The following SRGAP1 variants were observed in gnomAD, a reference collection of about 807,000 sequenced individuals.
The protein encoded by SRGAP1 is SLIT-ROBO Rho GTPase-activating protein 1.
A neutral mutation model predicts 121.9 loss-of-function variants in SRGAP1; 43 were observed. The ratio of observed to expected loss-of-function variants is 0.35; its 90% CI spans 0.28 to 0.46. The LOEUF (loss-of-function observed/expected upper bound fraction) is 0.46. SRGAP1 is among the 20% of genes least tolerant of loss of function. SRGAP1 has a pLI of 1.00. For missense variants in SRGAP1, 1,102 were observed against 1,350.9 expected, an observed-to-expected ratio of 0.82 and a Z score of 2.89; for synonymous variants, 447 against 485.4, an observed-to-expected ratio of 0.92 and a Z score of 1.04.
rs2037089223 is a variant in SRGAP1 at position 64,148,826 on chromosome 12, T to C, written c.*6154T>C. On this transcript the variant is annotated 3_prime_UTR_variant, in exon 22 of 22. Transcript: ENST00000355086. ...CACACTGATGTATCCACCACCCAGT[T>C]TAAGCAATAGCACATTATCAGCATC... The C allele has an allele frequency of 6.6e-6, 1 of 152,218 alleles. No homozygotes were observed. Among genetic ancestry groups the C allele is most frequent in the African/African-American group, 2.4e-5 (1 of 41,456 alleles). The allele number at this position is 152,218 out of a possible 1,614,324, so 9.4% of individuals were successfully genotyped here. A position where few individuals can be genotyped will look rare whatever the true frequency, so the allele number is the denominator to read the frequency against.
intron 1 of SRGAP1, among the ~76,000 whole-genome samples, chr12:63,901,094 A>G (rs992670536): frequency 1.3e-5 from 2 of 151,656 alleles, no homozygotes; most frequent in African/African-American, 4.8e-5. Context: ...GGAAACACTT[A>G]TTTACTATGT....
At chr12:63,927,659 G>C (rs2031309227) in intron 1 of SRGAP1, among the ~76,000 whole-genome samples, 1 of 152,010 alleles carries the variant, frequency 6.6e-6, no homozygotes, top group Non-Finnish European at 1.5e-5. Context: ...AAACCTTACT[G>C]TCTGGCAAGA....
intron 3 of SRGAP1, among the ~76,000 whole-genome samples, chr12:63,996,771 G>A (rs2033722877): frequency 6.6e-6 from 1 of 152,042 alleles, no homozygotes. Context: ...GATAGGGCCT[G>A]GATAAATAAG....
At chr12:64,025,772 A>G (rs1425428697) in intron 4 of SRGAP1, among the ~76,000 whole-genome samples, 1 of 152,202 alleles carries the variant, frequency 6.6e-6, no homozygotes, top group Non-Finnish European at 1.5e-5. Context: ...GACTGGGGTC[A>G]TGTGACTCTC....
intron 6 of SRGAP1, among the ~76,000 whole-genome samples, chr12:64,044,674 C>CTTTTTTTTTTTTTTTTGTT (rs2035090699): frequency 1.4e-5 from 1 of 72,118 alleles, no homozygotes; most frequent in Admixed American, 1.8e-4. Context: ...TGATGTGCCT[C>CTTTTTTTTTTTTTTTTGTT]TTTTTTTTTT....
chr12:63,957,687 G>A (rs1565969449), intron 1 of SRGAP1, among the ~76,000 whole-genome samples: 1 of 152,160 alleles, frequency 6.6e-6, no homozygotes, highest in Non-Finnish European at 1.5e-5. Flanking sequence ...GCATATGGGT[G>A]TGAGGTGAAA....
At chr12:63,902,180 A>G (rs1354556306) in intron 1 of SRGAP1, among the ~76,000 whole-genome samples, 1 of 152,178 alleles carries the variant, frequency 6.6e-6, no homozygotes, top group Non-Finnish European at 1.5e-5. Flanking sequence ...ACATTTTACA[A>G]AAGTTGAGAT....
At chr12:63,858,735 C>T (rs369299649) in intron 1 of SRGAP1, among the ~76,000 whole-genome samples, 36 of 152,208 alleles carry the variant, frequency 2.4e-4, no homozygotes, top group African/African-American at 8.2e-4. Context: ...GATGGAGTTT[C>T]GCTCTTGTTG....
At chr12:64,032,950 A>G (rs1486228802) in intron 4 of SRGAP1, among the ~76,000 whole-genome samples, 1 of 152,136 alleles carries the variant, frequency 6.6e-6, no homozygotes, top group Non-Finnish European at 1.5e-5. Context: ...GAAACATCAC[A>G]CTGTACCCCA....
At chr12:64,080,533 C>T (rs1359284375) in intron 10 of SRGAP1, 163 bp downstream of exon 10, 1 of 720,176 alleles carries the variant, frequency 1.4e-6, no homozygotes, top group Non-Finnish European at 2.5e-6. Flanking sequence ...GTTCTCCTGG[C>T]ACGATTTTCT....
chr12:63,951,288 C>G (rs1053490414), intron 1 of SRGAP1, among the ~76,000 whole-genome samples: 1 of 151,372 alleles, frequency 6.6e-6, no homozygotes, highest in African/African-American at 2.4e-5. Flanking sequence ...CTCAGCCTCC[C>G]CAGTAGCTGG....
Position 64,149,685 on chromosome 12 carries a change from GT to G in SRGAP1, c.*7016del, listed in dbSNP as rs1460235071. ...AATCTTAGAAAGGCAGAGCAAGGGT[GT>G]TTGCTGGCTTCTGCCTTGAGTAGTT... On this transcript the variant is annotated 3_prime_UTR_variant, in exon 22 of 22. Transcript: ENST00000355086. The G allele has an allele frequency of 6.6e-6, 1 of 152,178 alleles. No homozygotes were observed. 9.4% of individuals were successfully genotyped at this position (152,178 alleles called of 1,614,324 possible). A position where few individuals can be genotyped will look rare whatever the true frequency, so the allele number is the denominator to read the frequency against.
chr12:63,899,431 A>G (rs1900860504), intron 1 of SRGAP1, among the ~76,000 whole-genome samples: 1 of 152,200 alleles, frequency 6.6e-6, no homozygotes, highest in Admixed American at 6.5e-5. Context: ...ATTAAATTTA[A>G]CAGAGTTTAA....
chr12:63,928,248 T>A (rs2031334249), intron 1 of SRGAP1, among the ~76,000 whole-genome samples: 1 of 152,178 alleles, frequency 6.6e-6, no homozygotes, highest in African/African-American at 2.4e-5. Flanking sequence ...GTACAACTAT[T>A]TTGGAAAATT....
intron 3 of SRGAP1, among the ~76,000 whole-genome samples, chr12:64,016,193 C>A (rs998195229): frequency 6.6e-6 from 1 of 152,086 alleles, no homozygotes; most frequent in African/African-American, 2.4e-5. Flanking sequence ...CATCTATAAT[C>A]CCAGCACTTT....
intron 18 of SRGAP1, 77 bp from the exon 19 acceptor site, chr12:64,125,899 CA>C: frequency 1.4e-6 from 2 of 1,472,508 alleles, no homozygotes; most frequent in Admixed American, 1.9e-5. Context: ...TTTGAAGCCT[CA>C]TAGAGCCCTC....
Position 64,091,330 on chromosome 12 carries a change from A to G in SRGAP1, c.1491A>G (p.Ser497=). ...PQKHRKSRPR[S]QYNTKLFNGD... is the part of the protein sequence containing the mutation. ...AACACAGGAAGTCCAGGCCCCGCTC[A>G]CAGTATAATACTAAGTTGTTTAATG... Residue 497 remains serine (S), a synonymous_variant, in exon 12 of 22, where the codon TCA becomes TCG. Coordinates refer to ENST00000355086, the MANE Select transcript of SRGAP1 (RefSeq NM_020762.4). The G allele has an allele frequency of 6.2e-7, 1 of 1,611,412 alleles. No homozygotes were observed. The highest frequency in any genetic ancestry group is 8.5e-7 in the Non-Finnish European group (1 of 1,178,366).
Position 64,111,785 on chromosome 12 carries a change from A to G in SRGAP1, c.1943A>G (p.Asn648Ser). 1.2e-6 allele frequency: 2 copies of G among 1,613,872 alleles called. No individual in the cohort carries two copies. The highest frequency in any genetic ancestry group is 2.2e-5 in the South Asian group (2 of 91,056). Residue 648 changes from asparagine (N) to serine (S), a missense_variant, in exon 17 of 22, where the codon AAT (asparagine) becomes AGT (serine). This residue lies in a region of SRGAP1 where 747 missense variants were observed against 929.4 expected (regional missense o/e 0.80). Coordinates refer to ENST00000355086, the MANE Select transcript of SRGAP1 (RefSeq NM_020762.4). ...AGTCTATCACAGTACAGCGATGAGA[A>G]TATGATGGACCCTTATAACCTGGCC... ...LNHLSQYSDENMMDPYNLAIC... is the reference protein window; with the variant it reads ...LNHLSQYSDESMMDPYNLAIC...
intron 10 of SRGAP1, among the ~76,000 whole-genome samples, chr12:64,084,333 T>TG (rs965796245): frequency 3.3e-5 from 5 of 149,976 alleles, no homozygotes; most frequent in African/African-American, 1.2e-4. Context: ...GCTTATATGT[T>TG]GGGGGGTGTG....
Sources: allele counts gnomAD v4.1 joint callset (sites outside exome capture counted in the v4.1 genomes callset), GRCh38; gene constraint gnomAD v4.1.1; regional missense constraint gnomAD v4.1.1; transcripts MANE v1.5; gene names NCBI Gene and HGNC (gene_info 2026-07-23, HGNC 2026-07-21).